INPP5F: variants seen among roughly 807,000 people sequenced by gnomAD.
INPP5F encodes the protein inositol polyphosphate-5-phosphatase F.
Under a neutral mutation model 137.2 loss-of-function variants are expected in INPP5F, and 97 were observed. That is an observed-to-expected ratio of 0.71 (90% CI 0.60 to 0.84). The LOEUF (loss-of-function observed/expected upper bound fraction) is 0.84, where lower values mean the gene tolerates loss of function less well. Among genes scored for constraint, INPP5F ranks in the 40% least tolerant of loss-of-function variants. The pLI is 0.00. For missense variants in INPP5F, 1,271 were observed against 1,371.9 expected (o/e 0.93, Z 1.16); for synonymous variants, 504 against 476.9 (o/e 1.06, Z -0.74).
Position 119,748,145 on chromosome 10 carries a change from T to C in INPP5F, c.98-2931T>C, listed in dbSNP as rs1376478035. Among the ~76,000 whole-genome samples, 1 of 152,190 alleles carries C rather than the reference T, an allele frequency of 6.6e-6. No individual in the cohort carries two copies. The highest frequency in any genetic ancestry group is 1.5e-5 in the Non-Finnish European group (1 of 68,034). ...GAGCGAGCGTGCACGGTCCAGACAC[T>C]ATGCACAGCCAGGTGTGCCAGCCGT... On this transcript the variant is annotated intron_variant, in intron 1 of 19. Coordinates refer to ENST00000650623, the MANE Select transcript of INPP5F (RefSeq NM_014937.4). This position sits in a 1 kb window ranked among gnomAD's most constrained non-coding sequence, Gnocchi z 4.7.
In INPP5F at chr10:119,827,790, A is replaced by T. The variant is rs773770991; in HGVS notation, c.*10A>T. 1 of 1,563,300 alleles carries T rather than the reference A, an allele frequency of 6.4e-7. No homozygotes were observed. Among genetic ancestry groups the T allele is most frequent in the Non-Finnish European group, 8.7e-7 (1 of 1,148,966 alleles). On this transcript the variant is annotated 3_prime_UTR_variant, in exon 20 of 20. Transcript: ENST00000650623. ...GATAATTCAGATTTAGCTTTTAGCC[A>T]TAAGAATCCTTCCATGGCTTTTATT...
intron 2 of INPP5F, among the ~76,000 whole-genome samples, chr10:119,760,351 G>T (rs1265385810): frequency 6.6e-5 from 10 of 152,156 alleles, no homozygotes. Flanking sequence ...AAGGAAGAAG[G>T]ACTGCTTGAG....
chr10:119,825,666 C>CT (rs763073674), intron 19 of INPP5F, among the ~76,000 whole-genome samples: 24 of 152,126 alleles, frequency 1.6e-4, no homozygotes, highest in Non-Finnish European at 2.5e-4. Flanking sequence ...AAACACTAGG[C>CT]TTTTGAATTT....
chr10:119,761,062 A>T (rs987220325), intron 2 of INPP5F, among the ~76,000 whole-genome samples: 1 of 152,192 alleles, frequency 6.6e-6, no homozygotes, highest in Non-Finnish European at 1.5e-5. Flanking sequence ...TCTATTTCTT[A>T]TAGTTACAAG....
chr10:119,812,981 T>A (rs1851104205), intron 15 of INPP5F, among the ~76,000 whole-genome samples: 1 of 152,218 alleles, frequency 6.6e-6, no homozygotes, highest in Non-Finnish European at 1.5e-5. Context: ...CACACCTGCA[T>A]TTTCCTTGAG....
At chr10:119,749,058 C>G (rs1310684453) in intron 1 of INPP5F, among the ~76,000 whole-genome samples, 1 of 152,234 alleles carries the variant, frequency 6.6e-6, no homozygotes, top group Non-Finnish European at 1.5e-5. Context: ...CAAGCCTGTG[C>G]ACACCCGACT....
intron 15 of INPP5F, chr10:119,818,552 C>G (rs1851389284): frequency 6.6e-6 from 1 of 152,418 alleles, no homozygotes; most frequent in African/African-American, 2.4e-5. Context: ...GCCACCCTGG[C>G]GCCCCTCCCC....
chr10:119,731,429 C>T (rs196218), intron 1 of INPP5F, among the ~76,000 whole-genome samples: 3 of 151,942 alleles, frequency 2.0e-5, no homozygotes, highest in Admixed American at 6.6e-5. Context: ...TTTGGAAGGC[C>T]GAGGTGGATG....
At chr10:119,727,763 G>T (rs766847284) in intron 1 of INPP5F, among the ~76,000 whole-genome samples, 2 of 152,162 alleles carry the variant, frequency 1.3e-5, no homozygotes, top group Admixed American at 6.6e-5. Flanking sequence ...AGTTATTATG[G>T]ATAGGCTAAT....
chr10:119,781,687 C>A lies in INPP5F; in HGVS notation c.231C>A (p.Leu77=). 6.2e-7 allele frequency: 1 copy of A among 1,612,766 alleles called. No individual in the cohort carries two copies. The highest frequency in any genetic ancestry group is 1.1e-5 in the South Asian group (1 of 90,894). ...GGCAGAAAGCATTGGTGGGCAAACT[C>A]CCAGGAGACCATGAGGTCTGTAAAG... ...LIRQKALVGK[L]PGDHEVCKVT... The change falls in exon 3 of 20, where the codon CTC becomes CTA. Residue 77 remains leucine (L), a synonymous_variant. Transcript: ENST00000650623.
chr10:119,775,338 G>A (rs567246864), intron 2 of INPP5F, among the ~76,000 whole-genome samples: 1 of 152,184 alleles, frequency 6.6e-6, no homozygotes, highest in Non-Finnish European at 1.5e-5. Context: ...GCTCACTGCA[G>A]CCTCGACCTC....
rs572329987 is a variant in INPP5F at position 119,774,261 on chromosome 10, CAAA to C, written c.179-7354_179-7352del. 0.011 allele frequency among the ~76,000 whole-genome samples: 921 copies of C among 82,114 alleles called. 35 individuals carry two copies. The South Asian group carries it at 0.21, about 19-fold the overall frequency. 53.9% of individuals were successfully genotyped at this position (82,114 alleles called of 152,430 possible). ...TGGCGACAGAGGGAGACTCAGTCTC[CAAA>C]AAAAAAAAAAAAAAAAAAACTCCCT... On this transcript the variant is annotated intron_variant, in intron 2 of 19. Transcript: ENST00000650623.
chr10:119,774,436 C>T (rs778576152), intron 2 of INPP5F, among the ~76,000 whole-genome samples: 57 of 151,268 alleles, frequency 3.8e-4, no homozygotes, highest in Non-Finnish European at 5.5e-4. Context: ...AATGAAAGTT[C>T]TGTGGTGCTT....
At chr10:119,739,157 G>C (rs924372919) in intron 1 of INPP5F, among the ~76,000 whole-genome samples, 1 of 152,100 alleles carries the variant, frequency 6.6e-6, no homozygotes, top group African/African-American at 2.4e-5. Flanking sequence ...ACTTCAGTCT[G>C]GGTAGCAGAG....
chr10:119,824,602 C>T (rs1851692558), intron 19 of INPP5F, among the ~76,000 whole-genome samples: 1 of 152,180 alleles, frequency 6.6e-6, no homozygotes, highest in African/African-American at 2.4e-5. Context: ...CAGGATTCTG[C>T]ACTGCAAACT....
chr10:119,734,878 C>G (rs922691165), intron 1 of INPP5F, among the ~76,000 whole-genome samples: 3 of 152,046 alleles, frequency 2.0e-5, no homozygotes, highest in African/African-American at 7.2e-5. Context: ...TTTAGTCAAT[C>G]TAAGTCCTTA....
chr10:119,776,228 A>G (rs1359013808), intron 2 of INPP5F, among the ~76,000 whole-genome samples: 3 of 152,132 alleles, frequency 2.0e-5, no homozygotes, highest in Non-Finnish European at 2.9e-5. Flanking sequence ...GTTACATTAT[A>G]TTTTCTCAGA....
At chr10:119,805,251 A>T in intron 10 of INPP5F, 133 bp from the exon 11 acceptor site, 1 of 624,174 alleles carries the variant, frequency 1.6e-6, no homozygotes, top group Non-Finnish European at 2.8e-6. Context: ...AATATATAGT[A>T]GTATTAACCT....
intron 2 of INPP5F, among the ~76,000 whole-genome samples, chr10:119,773,126 A>G (rs1849417826): frequency 6.6e-6 from 1 of 151,880 alleles, no homozygotes; most frequent in Non-Finnish European, 1.5e-5. Flanking sequence ...GCTTGAATTC[A>G]GCTTACTGCA....
Sources: allele counts gnomAD v4.1 joint callset (sites outside exome capture counted in the v4.1 genomes callset), GRCh38; gene constraint gnomAD v4.1.1; non-coding constraint Gnocchi (gnomAD v3.1); transcripts MANE v1.5; gene names NCBI Gene and HGNC (gene_info 2026-07-23, HGNC 2026-07-21).